PTPA: variants seen among roughly 807,000 people sequenced by gnomAD.
PTPA encodes serine/threonine-protein phosphatase 2A activator.
A neutral mutation model predicts 43.6 loss-of-function variants in PTPA; 13 were observed. The observed-to-expected ratio is 0.30, with a 90% CI of 0.19 to 0.47. The LOEUF (loss-of-function observed/expected upper bound fraction) is 0.47, where lower values mean the gene tolerates loss of function less well. Among genes scored for constraint, PTPA ranks in the 20% least tolerant of loss-of-function variants. The probability of loss-of-function intolerance (pLI) is 0.99; values close to 1 mark genes in which losing one functional copy is unlikely to be tolerated. For missense variants in PTPA, 329 were observed against 411.9 expected, an observed-to-expected ratio of 0.80 and a Z score of 1.74; for synonymous variants, 172 against 158.2, an observed-to-expected ratio of 1.09 and a Z score of -0.66.
chr9:129,113,763 G>A (rs1046594571), intron 1 of PTPA, among the ~76,000 whole-genome samples: 2 of 151,984 alleles, frequency 1.3e-5, no homozygotes, highest in Admixed American at 1.3e-4. Flanking sequence ...CAGCCTGGGC[G>A]AGAGAGCTAG....
At chr9:129,142,382 GGGGAGGA>G in intron 8 of PTPA, 56 bp from the exon 9 acceptor site, 17 of 1,466,776 alleles carry the variant, frequency 1.2e-5, no homozygotes, top group Non-Finnish European at 1.6e-5. Context: ...CTTTGCTGCA[GGGGAGGA>G]GGGATGAGCT....
At position 129,148,703 on chromosome 9, in the gene PTPA, C is replaced by T. The variant is rs1851447498; in HGVS notation, c.*1239C>T. 6.5e-6 allele frequency: 1 copy of T among 152,734 alleles called. No individual in the cohort carries two copies. The highest frequency in any genetic ancestry group is 6.5e-5 in the Admixed American group (1 of 15,284). 9.5% of individuals were successfully genotyped at this position (152,734 alleles called of 1,614,324 possible). A position where few individuals can be genotyped will look rare whatever the true frequency, so the allele number is the denominator to read the frequency against. ...CCCCTCCTGTGTCTGGGTCCACACA[C>T]CCTTCAGGAAGGGGGAGCACTGAGA... On this transcript the variant is annotated 3_prime_UTR_variant, in exon 10 of 10. Transcript: ENST00000393370.
rs547576235 is a variant in PTPA at position 129,147,858 on chromosome 9, C to T, written c.*394C>T. 2.5e-4 allele frequency: 51 copies of T among 204,290 alleles called. No individual in the cohort carries two copies. Among genetic ancestry groups the T allele is most frequent in the Non-Finnish European group, 4.7e-4 (47 of 99,202 alleles). 12.7% of individuals were successfully genotyped at this position (204,290 alleles called of 1,614,324 possible). A position where few individuals can be genotyped will look rare whatever the true frequency, so the allele number is the denominator to read the frequency against. ...TACCTGCTGCTTCCATTGCTTTTCC[C>T]TTCCTGGAGTCGATGCCTTTCTAAG... On this transcript the variant is annotated 3_prime_UTR_variant, in exon 10 of 10. Transcript: ENST00000393370.
chr9:129,144,258 G>A (rs995971059), intron 9 of PTPA, among the ~76,000 whole-genome samples: 4 of 151,774 alleles, frequency 2.6e-5, no homozygotes, highest in African/African-American at 9.7e-5. Flanking sequence ...ACAGGCTGTC[G>A]GGGTCTCCGT....
chr9:129,142,335 C>CGTTT (rs772522778), intron 8 of PTPA, 110 bp from the exon 9 acceptor site: 2 of 833,640 alleles, frequency 2.4e-6, no homozygotes, highest in Admixed American at 3.1e-5. Flanking sequence ...TGTGCGTGTG[C>CGTTT]GTTTGTGTGT....
chr9:129,127,255 A>G (rs1372729580), intron 3 of PTPA, among the ~76,000 whole-genome samples: 1 of 152,120 alleles, frequency 6.6e-6, no homozygotes, highest in South Asian at 2.1e-4. Context: ...GGTTTCACAT[A>G]TGCAGCTGGG....
In PTPA at chr9:129,111,513, G is replaced by C. The variant is rs893896998; in HGVS notation, c.-88G>C. 1 of 1,272,864 alleles carries C rather than the reference G, an allele frequency of 7.9e-7. No individual in the cohort carries two copies. Among genetic ancestry groups the C allele is most frequent in the East Asian group, 3.1e-5 (1 of 31,846 alleles). 78.8% of individuals were successfully genotyped at this position (1,272,864 alleles called of 1,614,324 possible). On this transcript the variant is annotated 5_prime_UTR_variant, in exon 1 of 10. Coordinates refer to ENST00000393370, the MANE Select transcript of PTPA (RefSeq NM_178000.3). ...TGTCTTCAGGAAGCTCGGAGCCTTT[G>C]GTGGAGCCGGGGAGAGGAAGGGTGG...
chr9:129,129,213 C>T (rs758620558), intron 4 of PTPA, 103 bp downstream of exon 4: 45 of 1,438,300 alleles, frequency 3.1e-5, no homozygotes, highest in Non-Finnish European at 4.2e-5. Flanking sequence ...TAGGCATATA[C>T]AAATCTCAGT....
At chr9:129,145,075 A>G (rs1851205887) in intron 9 of PTPA, among the ~76,000 whole-genome samples, 1 of 151,660 alleles carries the variant, frequency 6.6e-6, no homozygotes, top group Non-Finnish European at 1.5e-5. Flanking sequence ...TCATGCCTAT[A>G]ATCCCAGCAC....
intron 8 of PTPA, among the ~76,000 whole-genome samples, chr9:129,138,682 C>T (rs915540274): frequency 1.3e-5 from 2 of 152,180 alleles, no homozygotes; most frequent in African/African-American, 2.4e-5. Flanking sequence ...GGCTGCTCTC[C>T]GTCCGGGCTG....
chr9:129,127,783 A>G (rs1164056682), intron 3 of PTPA, among the ~76,000 whole-genome samples: 1 of 152,236 alleles, frequency 6.6e-6, no homozygotes, highest in Non-Finnish European at 1.5e-5. Context: ...ATGATCTGGC[A>G]TTTCCACAAA....
At chr9:129,143,720 CCT>C (rs1851074946) in intron 9 of PTPA, 3 of 344,238 alleles carry the variant, frequency 8.7e-6, no homozygotes, top group Admixed American at 7.9e-5. Context: ...AGCCCACATA[CCT>C]CTCTAATCTG....
At chr9:129,111,138 T>C, upstream of PTPA, 2 of 1,292,976 alleles carry the variant, frequency 1.5e-6, 1 homozygote, top group Non-Finnish European at 2.1e-6. Context: ...CTAATATTCC[T>C]TGGGTTAGGG....
intron 9 of PTPA, chr9:129,143,180 A>G: frequency 1.6e-6 from 1 of 620,916 alleles, no homozygotes. Flanking sequence ...CTGTTCTCCC[A>G]GCCAAGGAGG....
chr9:129,116,373 A>G (rs988255789), intron 1 of PTPA, among the ~76,000 whole-genome samples: 1 of 128,952 alleles, frequency 7.8e-6, no homozygotes, highest in Admixed American at 8.5e-5. Context: ...TTTTTAGTAG[A>G]GACAGGGTTT....
chr9:129,113,456 A>G (rs3118626), intron 1 of PTPA, among the ~76,000 whole-genome samples: 151,370 of 151,988 alleles, frequency 1, 75,384 homozygotes, highest in Middle Eastern at 1. Flanking sequence ...CTGTGGGTTG[A>G]ACAAGCTAGC....
chr9:129,114,149 C>T (rs1475476642), intron 1 of PTPA, among the ~76,000 whole-genome samples: 5 of 152,074 alleles, frequency 3.3e-5, no homozygotes, highest in Non-Finnish European at 5.9e-5. Flanking sequence ...GTGCCTCAGC[C>T]TCCCGAGTTG....
chr9:129,119,447 C>T (rs1267473122), intron 1 of PTPA: 1 of 151,628 alleles, frequency 6.6e-6, no homozygotes, highest in African/African-American at 2.4e-5. Context: ...GCTCTGTTGC[C>T]TGGGTTGGAG....
chr9:129,140,741 C>T (rs1416937132), intron 8 of PTPA, among the ~76,000 whole-genome samples: 2 of 138,102 alleles, frequency 1.4e-5, no homozygotes, highest in African/African-American at 5.2e-5. Context: ...CTGAGCTTTC[C>T]TGGGCCTGGA....
Sources: gnomAD v4.1 joint callset for allele counts (sites outside exome capture counted in the v4.1 genomes callset) on GRCh38, gnomAD v4.1.1 for gene constraint, MANE v1.5 for transcripts, NCBI Gene and HGNC (gene_info 2026-07-23, HGNC 2026-07-21) for gene names.